MATN3: variants seen among roughly 807,000 people sequenced by gnomAD.
MATN3 encodes matrilin 3.
In MATN3, 48 loss-of-function variants were observed where a neutral mutation model predicts 45.3. The ratio of observed to expected loss-of-function variants is 1.06; its 90% CI spans 0.84 to 1.35. The LOEUF is 1.35. MATN3 is among the 40% of genes most tolerant of loss of function. The probability of loss-of-function intolerance (pLI) is 0.00; values close to 1 mark genes in which losing one functional copy is unlikely to be tolerated. For missense variants in MATN3, 599 were observed against 628.0 expected (o/e 0.95, Z 0.49); for synonymous variants, 217 against 245.9 (o/e 0.88, Z 1.10).
At chr2:19,994,437 A>G (rs369200555) in intron 6 of MATN3, 28 bp from the exon 7 acceptor site, 7 of 1,259,300 alleles carry the variant, frequency 5.6e-6, no homozygotes, top group Non-Finnish European at 8.1e-6. Flanking sequence ...ACACAAATAT[A>G]CTATCTAGGA....
Position 20,012,232 on chromosome 2 carries a change from T to C in MATN3, c.223+177A>G, listed in dbSNP as rs1673231244. 6.6e-6 allele frequency among the ~76,000 whole-genome samples: 1 copy of C among 152,168 alleles called. No individual in the cohort carries two copies. On this transcript the variant is annotated intron_variant, in intron 1 of 7. Coordinates refer to ENST00000407540, the MANE Select transcript of MATN3 (RefSeq NM_002381.5). This position sits in a 1 kb window ranked among gnomAD's most constrained non-coding sequence, Gnocchi z 4.3. ...ATCTCTAGCCTGGACACATGAGTGA[T>C]ATTGGGCATCTCCCTCCCCTTCTCT...
intron 7 of MATN3, 93 bp from the exon 8 acceptor site, chr2:19,993,259 C>T: frequency 1.0e-6 from 1 of 976,052 alleles, no homozygotes; most frequent in Non-Finnish European, 1.6e-6. Context: ...ATAATTATGT[C>T]CTATGAGAAG....
intron 5 of MATN3, 190 bp from the exon 6 acceptor site, chr2:19,997,449 C>T: frequency 1.9e-6 from 1 of 536,064 alleles, no homozygotes; most frequent in East Asian, 3.3e-5. Flanking sequence ...TCCCTTTGGC[C>T]TCACATCACA....
chr2:20,010,314 C>T (rs966302347), intron 1 of MATN3, among the ~76,000 whole-genome samples: 8 of 152,264 alleles, frequency 5.3e-5, no homozygotes, highest in East Asian at 1.9e-4. Context: ...TATAACTAAA[C>T]GTGCATGATT....
intron 6 of MATN3, 81 bp downstream of exon 6, chr2:19,997,051 CTG>C (rs962114000): frequency 8.6e-5 from 124 of 1,444,878 alleles, no homozygotes; most frequent in Non-Finnish European, 1.1e-4. Context: ...AGAATCACAA[CTG>C]TGTCTTAGAC....
intron 6 of MATN3, among the ~76,000 whole-genome samples, chr2:19,994,736 A>G (rs1672828256): frequency 6.6e-6 from 1 of 152,184 alleles, no homozygotes; most frequent in African/African-American, 2.4e-5. Context: ...CATGGTTGGT[A>G]TAGGGGGAGG....
intron 7 of MATN3, 68 bp downstream of exon 7, chr2:19,994,231 G>A (rs1442136659): frequency 2.1e-6 from 2 of 938,436 alleles, no homozygotes; most frequent in Non-Finnish European, 3.4e-6. Flanking sequence ...ATGTCTTAAA[G>A]TGTTTGGCTC....
intron 6 of MATN3, among the ~76,000 whole-genome samples, chr2:19,996,879 T>TA (rs1206428628): frequency 1.3e-5 from 2 of 152,016 alleles, no homozygotes; most frequent in African/African-American, 4.8e-5. Context: ...TTTACCACAA[T>TA]AAAAAAAATT....
chr2:20,012,598 C>T lies in MATN3; in HGVS notation c.34G>A (p.Gly12Arg), dbSNP rs1673241653. 12 of 1,222,452 alleles carry T rather than the reference C, an allele frequency of 9.8e-6. No homozygotes were observed. The highest frequency in any genetic ancestry group is 2.0e-6 in the Non-Finnish European group (2 of 982,556). 75.7% of individuals were successfully genotyped at this position (1,222,452 alleles called of 1,614,324 possible). A position where few individuals can be genotyped will look rare whatever the true frequency, so the allele number is the denominator to read the frequency against. Reference protein sequence around the residue: ...PRPAPARRLPGLLLLLWPLLL... With the variant: ...PRPAPARRLPRLLLLLWPLLL... ...AGCGGCCAGAGCAGCAGGAGGAGTCCCGGGAGGCGGCGCGCGGGGGCCGGG... is the reference window on the plus strand; with the variant it reads ...AGCGGCCAGAGCAGCAGGAGGAGTCTCGGGAGGCGGCGCGCGGGGGCCGGG... The change falls in exon 1 of 8, where the codon GGA (glycine) becomes AGA (arginine). Residue 12 changes from glycine to arginine, a missense_variant. Coordinates refer to ENST00000407540, the MANE Select transcript of MATN3 (RefSeq NM_002381.5). The surrounding 1 kb of genome is among the most constrained non-coding windows in gnomAD (Gnocchi z 4.3).
Position 20,010,067 on chromosome 2 carries a change from TAAAAAAA to T in MATN3, c.223+2335_223+2341del, listed in dbSNP as rs57140153. ...TCTCAGAATAAATCTCTTCAAATAC[TAAAAAAA>T]AAAAAAAAAAAAAAAACCTCCAGAA... On this transcript the variant is annotated intron_variant, in intron 1 of 7. Transcript: ENST00000407540. 2.6e-4 allele frequency among the ~76,000 whole-genome samples: 18 copies of T among 68,686 alleles called. 1 individual carries two copies. The highest frequency in any genetic ancestry group is 7.2e-4 in the South Asian group (1 of 1,380). The allele number at this position is 68,686 out of a possible 152,430, so 45.1% of individuals were successfully genotyped here.
chr2:20,012,081 A>G lies in MATN3; in HGVS notation c.223+328T>C, dbSNP rs1346053825. On this transcript the variant is annotated intron_variant, in intron 1 of 7. Transcript: ENST00000407540. The surrounding 1 kb of genome is among the most constrained non-coding windows in gnomAD (Gnocchi z 4.3). Reference sequence around the variant, plus strand: ...GCAGAGTCTCAGGAAGGGTTTGCTCACTGAATGGAGAGGTCAGGACTGGGA... The same window carrying G: ...GCAGAGTCTCAGGAAGGGTTTGCTCGCTGAATGGAGAGGTCAGGACTGGGA... Among the ~76,000 whole-genome samples the G allele has an allele frequency of 1.3e-5, 2 of 152,156 alleles. No individual in the cohort carries two copies. The highest frequency in any genetic ancestry group is 2.9e-5 in the Non-Finnish European group (2 of 68,008).
chr2:19,997,069 GA>G (rs1672885798), intron 6 of MATN3, 64 bp downstream of exon 6: 7 of 1,561,440 alleles, frequency 4.5e-6, no homozygotes, highest in Non-Finnish European at 3.5e-6. Flanking sequence ...TAGACAGAAA[GA>G]AAAAAGCTTG....
rs1672767902 is a variant in MATN3, at chr2:19,992,061, G to T, written c.*1050C>A. The T allele has an allele frequency of 6.6e-6, 1 of 151,968 alleles. No individual in the cohort carries two copies. Among genetic ancestry groups the T allele is most frequent in the African/African-American group, 2.4e-5 (1 of 41,372 alleles). The allele number at this position is 151,968 out of a possible 1,614,324, so 9.4% of individuals were successfully genotyped here. On this transcript the variant is annotated 3_prime_UTR_variant, in exon 8 of 8. Coordinates refer to ENST00000407540, the MANE Select transcript of MATN3 (RefSeq NM_002381.5). ...AACTGTTAATTCAGTATAATTTAAA[G>T]AAATATCTTTAATAGACAAAATTGA...
intron 3 of MATN3, among the ~76,000 whole-genome samples, 173 bp from the exon 4 acceptor site, chr2:20,002,253 C>T (rs184530732): frequency 2.6e-5 from 4 of 152,100 alleles, no homozygotes; most frequent in Admixed American, 1.3e-4. Context: ...GGTCTTGGCT[C>T]TTTCACTAAG....
chr2:19,998,384 C>T (rs768803574), intron 5 of MATN3, among the ~76,000 whole-genome samples: 7 of 152,120 alleles, frequency 4.6e-5, no homozygotes, highest in South Asian at 2.1e-4. Flanking sequence ...CCACTAGCAA[C>T]GGAAAAGCAG....
In MATN3 at chr2:20,005,728, A is replaced by G; in HGVS notation, c.790+16T>C. 1 of 1,564,234 alleles carries G rather than the reference A, an allele frequency of 6.4e-7. No homozygotes were observed. The highest frequency in any genetic ancestry group is 1.2e-5 in the South Asian group (1 of 85,286). On this transcript the variant is annotated intron_variant, in intron 2 of 7. Transcript: ENST00000407540. ...TAACATCCTTTCTAGTTGGAAGCAA[A>G]GACTGACCAACTTACCACAGAAGGT...
rs968807651 is a variant in MATN3, at chr2:20,012,357, T to C, written c.223+52A>G. 8.3e-6 allele frequency: 10 copies of C among 1,204,796 alleles called. No homozygotes were observed. In the African/African-American group the frequency reaches 1.6e-4, roughly 19 times the overall value. The allele number at this position is 1,204,796 out of a possible 1,614,324, so 74.6% of individuals were successfully genotyped here. ...GATGAAGCGCGCTTGGTGGATGCCC[T>C]GGGCTTCTCCTCGTTCGATGCTCAC... On this transcript the variant is annotated intron_variant, in intron 1 of 7. Transcript: ENST00000407540. The surrounding 1 kb of genome is among the most constrained non-coding windows in gnomAD (Gnocchi z 4.3).
At chr2:19,993,607 G>A (rs770245898) in intron 7 of MATN3, among the ~76,000 whole-genome samples, 9 of 152,066 alleles carry the variant, frequency 5.9e-5, no homozygotes, top group South Asian at 4.1e-4. Context: ...AATGAGAGAC[G>A]GGAAAAGAAA....
In MATN3 at chr2:20,012,198, G is replaced by A. The variant is rs1057500115; in HGVS notation, c.223+211C>T. Among the ~76,000 whole-genome samples, 7 of 152,324 alleles carry A rather than the reference G, an allele frequency of 4.6e-5. No homozygotes were observed. Among genetic ancestry groups the A allele is most frequent in the African/African-American group, 1.7e-4 (7 of 41,570 alleles). ...AATCACAGGGGAGTGAGAGCTTCAG[G>A]AGACCCACATCTCTAGCCTGGACAC... On this transcript the variant is annotated intron_variant, in intron 1 of 7. Coordinates refer to ENST00000407540, the MANE Select transcript of MATN3 (RefSeq NM_002381.5). This position sits in a 1 kb window ranked among gnomAD's most constrained non-coding sequence, Gnocchi z 4.3.
Sources: gnomAD v4.1 joint callset for allele counts (sites outside exome capture counted in the v4.1 genomes callset) on GRCh38, gnomAD v4.1.1 for gene constraint, Gnocchi (gnomAD v3.1) non-coding constraint, MANE v1.5 for transcripts, NCBI Gene and HGNC (gene_info 2026-07-23, HGNC 2026-07-21) for gene names.